The following LRBA variants were observed in gnomAD, a reference collection of about 807,000 sequenced individuals.
LRBA encodes lipopolysaccharide-responsive and beige-like anchor protein.
Under a neutral mutation model 330.0 loss-of-function variants are expected in LRBA, and 176 were observed. That is an observed-to-expected ratio of 0.53 (90% CI 0.47 to 0.60). The LOEUF (loss-of-function observed/expected upper bound fraction) is 0.60. Ranked by LOEUF, LRBA falls within the 20% of genes least tolerant of loss-of-function variation. LRBA has a pLI of 0.00. For missense variants in LRBA, 3,259 were observed against 3,444.8 expected, an observed-to-expected ratio of 0.95 and a Z score of 1.35; for synonymous variants, 1,230 against 1,193.0, an observed-to-expected ratio of 1.03 and a Z score of -0.64.
intron 35 of LRBA, among the ~76,000 whole-genome samples, chr4:150,749,900 A>T (rs1367210791): frequency 2.0e-5 from 3 of 152,204 alleles, no homozygotes; most frequent in Admixed American, 1.3e-4. Context: ...TGAATATTGA[A>T]TACTTCTCTT....
chr4:150,494,325 C>T (rs1193150557), intron 40 of LRBA, among the ~76,000 whole-genome samples: 2 of 151,984 alleles, frequency 1.3e-5, no homozygotes, highest in South Asian at 2.1e-4. Flanking sequence ...AGAGGAAAAT[C>T]AAAAGAAAAC....
At chr4:150,465,342 T>G (rs1057416380) in intron 44 of LRBA, among the ~76,000 whole-genome samples, 1 of 152,180 alleles carries the variant, frequency 6.6e-6, no homozygotes, top group Non-Finnish European at 1.5e-5. Context: ...TTAGCTGTTG[T>G]GTGTCACGCT....
chr4:150,960,021 G>C (rs1218053727), intron 2 of LRBA, among the ~76,000 whole-genome samples: 1 of 147,678 alleles, frequency 6.8e-6, no homozygotes, highest in Non-Finnish European at 1.5e-5. Context: ...CCAACTAGCT[G>C]GGGCTACCGG....
At chr4:150,849,130 ACTTATT>A in intron 25 of LRBA, 132 bp from the exon 26 acceptor site, 1 of 639,658 alleles carries the variant, frequency 1.6e-6, no homozygotes, top group Non-Finnish European at 2.6e-6. Flanking sequence ...AGTGATTTAT[ACTTATT>A]ATTTCATCTA....
intron 9 of LRBA, among the ~76,000 whole-genome samples, chr4:150,912,125 A>T (rs1303052638): frequency 6.6e-6 from 1 of 152,000 alleles, no homozygotes; most frequent in Admixed American, 6.6e-5. Context: ...CTGATGTTTA[A>T]TTAAAAAAAA....
chr4:150,941,382 A>C (rs746221607), intron 2 of LRBA, among the ~76,000 whole-genome samples: 1 of 151,808 alleles, frequency 6.6e-6, no homozygotes, highest in Non-Finnish European at 1.5e-5. Context: ...CAAACTCCTG[A>C]CCTTGTGATC....
intron 17 of LRBA, among the ~76,000 whole-genome samples, chr4:150,890,334 C>G (rs1560967075): frequency 6.6e-6 from 1 of 152,156 alleles, no homozygotes; most frequent in Non-Finnish European, 1.5e-5. Context: ...GTGTGCCTAC[C>G]TAGACTAATC....
intron 44 of LRBA, among the ~76,000 whole-genome samples, chr4:150,458,119 G>C (rs1036332747): frequency 2.0e-5 from 3 of 151,818 alleles, no homozygotes; most frequent in Admixed American, 6.6e-5. Context: ...ACGTCTGTTA[G>C]AGTCATTCAA....
Position 150,264,626 on chromosome 4 carries a change from T to C in LRBA, c.*1096A>G, listed in dbSNP as rs1221983775. On this transcript the variant is annotated 3_prime_UTR_variant, in exon 57 of 57. Coordinates refer to ENST00000651943, the MANE Select transcript of LRBA (RefSeq NM_001364905.1). ...GTGTAGGAAAAAAAGAGGGACCACTTGAAGTCTGTTGCAAGAGAAATAGAG... is the reference window on the plus strand; with the variant it reads ...GTGTAGGAAAAAAAGAGGGACCACTCGAAGTCTGTTGCAAGAGAAATAGAG... 1 of 152,608 alleles carries C rather than the reference T, an allele frequency of 6.6e-6. No individual in the cohort carries two copies. Among genetic ancestry groups the C allele is most frequent in the Non-Finnish European group, 1.5e-5 (1 of 68,036 alleles). 9.5% of individuals were successfully genotyped at this position (152,608 alleles called of 1,614,324 possible). A position where few individuals can be genotyped will look rare whatever the true frequency, so the allele number is the denominator to read the frequency against.
intron 48 of LRBA, among the ~76,000 whole-genome samples, chr4:150,344,914 C>T (rs574883837): frequency 6.6e-6 from 1 of 152,284 alleles, no homozygotes; most frequent in South Asian, 2.1e-4. Context: ...CTCTCTCTCT[C>T]ATCTGCTAAC....
chr4:150,606,304 GA>G (rs895703955), intron 37 of LRBA, among the ~76,000 whole-genome samples: 2 of 151,392 alleles, frequency 1.3e-5, no homozygotes, highest in South Asian at 4.2e-4. Flanking sequence ...AGACATCTAG[GA>G]AAAAAAACCA....
chr4:150,634,422 C>T (rs963170204), intron 37 of LRBA, among the ~76,000 whole-genome samples: 1 of 152,142 alleles, frequency 6.6e-6, no homozygotes, highest in Admixed American at 6.5e-5. Context: ...GGTGAATATT[C>T]ACTGACTATT....
At chr4:150,989,029 G>T (rs1047123871) in intron 2 of LRBA, among the ~76,000 whole-genome samples, 2 of 151,898 alleles carry the variant, frequency 1.3e-5, no homozygotes, top group Non-Finnish European at 2.9e-5. Context: ...TTGAGACAGA[G>T]TCTCACTCTG....
At chr4:150,950,368 A>G (rs1736696808) in intron 2 of LRBA, among the ~76,000 whole-genome samples, 1 of 152,122 alleles carries the variant, frequency 6.6e-6, no homozygotes, top group South Asian at 2.1e-4. Context: ...AGTGTTTAAA[A>G]CTATAGCATC....
chr4:150,964,600 T>C (rs1301707596), intron 2 of LRBA, among the ~76,000 whole-genome samples: 1 of 151,554 alleles, frequency 6.6e-6, no homozygotes, highest in African/African-American at 2.4e-5. Context: ...AAGATGTGCT[T>C]TGTTAAACAG....
intron 47 of LRBA, among the ~76,000 whole-genome samples, chr4:150,389,329 G>A: frequency 6.6e-6 from 1 of 151,834 alleles, no homozygotes; most frequent in East Asian, 1.9e-4. Context: ...ACTCCAGCCT[G>A]AACAACAGAG....
At chr4:150,310,061 TA>T (rs2126878208) in intron 52 of LRBA, among the ~76,000 whole-genome samples, 167 bp downstream of exon 52, 1 of 152,302 alleles carries the variant, frequency 6.6e-6, no homozygotes, top group Admixed American at 6.5e-5. Context: ...TAGTGGACTA[TA>T]TATAGTAGAT....
At position 150,852,456 on chromosome 4, in the gene LRBA, G is replaced by A; in HGVS notation, c.3254C>T (p.Pro1085Leu). Residue 1085 changes from proline to leucine, a missense_variant, in exon 23 of 57, where the codon CCT becomes CTT. Pro to Leu is a moderately conservative substitution (Grantham distance 98). Coordinates refer to ENST00000651943, the MANE Select transcript of LRBA (RefSeq NM_001364905.1). ...VSEVTASISSPSEEDASEMPE... is the reference protein window; with the variant it reads ...VSEVTASISSLSEEDASEMPE... ...CATCTCTGAGGCATCCTCTTCTGAAGGAGAACTTATAGAAGCAGTTACTTC... is the reference window on the plus strand; with the variant it reads ...CATCTCTGAGGCATCCTCTTCTGAAAGAGAACTTATAGAAGCAGTTACTTC... 6.2e-7 allele frequency: 1 copy of A among 1,613,514 alleles called. No homozygotes were observed. The highest frequency in any genetic ancestry group is 8.5e-7 in the Non-Finnish European group (1 of 1,179,980).
In LRBA at chr4:150,970,233, C is replaced by A. The variant is rs1432934651; in HGVS notation, c.217-41168G>T. 4.6e-5 allele frequency among the ~76,000 whole-genome samples: 7 copies of A among 152,004 alleles called. No homozygotes were observed. The East Asian group carries it at 1.4e-3, about 29-fold the overall frequency. ...GACTAAAGTAGGCTGGGTGTGATGGCTCACATCTGTAATCCCAGCACTTAG... is the reference window on the plus strand; with the variant it reads ...GACTAAAGTAGGCTGGGTGTGATGGATCACATCTGTAATCCCAGCACTTAG... On this transcript the variant is annotated intron_variant, in intron 2 of 56. Transcript: ENST00000651943.
Sources: allele counts gnomAD v4.1 joint callset (sites outside exome capture counted in the v4.1 genomes callset), GRCh38; gene constraint gnomAD v4.1.1; transcripts MANE v1.5; gene names NCBI Gene and HGNC (gene_info 2026-07-23, HGNC 2026-07-21).